The following TASP1 variants were observed in gnomAD, a reference collection of about 807,000 sequenced individuals.
TASP1 encodes threonine aspartase 1.
In TASP1, 16 loss-of-function variants were observed where a neutral mutation model predicts 56.6. The observed-to-expected ratio is 0.28, with a 90% CI of 0.19 to 0.43. The LOEUF (loss-of-function observed/expected upper bound fraction) is 0.43, where lower values mean the gene tolerates loss of function less well. TASP1 is among the 20% of genes least tolerant of loss of function. The pLI, the probability that TASP1 is intolerant of heterozygous loss-of-function variation, is 1.00. For missense variants in TASP1, 393 were observed against 511.6 expected, an observed-to-expected ratio of 0.77 and a Z score of 2.24; for synonymous variants, 179 against 184.2, an observed-to-expected ratio of 0.97 and a Z score of 0.23.
intron 10 of TASP1, among the ~76,000 whole-genome samples, chr20:13,524,193 G>T (rs1221553129): frequency 6.6e-6 from 1 of 151,800 alleles, no homozygotes; most frequent in Non-Finnish European, 1.5e-5. Flanking sequence ...GTATAGACAA[G>T]TAACGGAAAA....
the TASP1 span, among the ~76,000 whole-genome samples, chr20:13,295,102 C>A: frequency 2.6e-5 from 4 of 152,192 alleles, no homozygotes; most frequent in African/African-American, 9.7e-5. Context: ...CACCAGCCTC[C>A]CAGGCTCCTG....
the TASP1 span, among the ~76,000 whole-genome samples, chr20:13,231,728 AC>A: frequency 6.6e-6 from 1 of 152,172 alleles, no homozygotes; most frequent in African/African-American, 2.4e-5. Context: ...AGACAGCAAC[AC>A]CCACATTCCC....
the TASP1 span, among the ~76,000 whole-genome samples, chr20:13,359,562 C>T: frequency 2.0e-5 from 3 of 151,298 alleles, no homozygotes; most frequent in Non-Finnish European, 4.4e-5. Flanking sequence ...TCCACATTAC[C>T]TTCTTTTCAA....
At chr20:13,420,843 C>A (rs1021562004) in intron 12 of TASP1, among the ~76,000 whole-genome samples, 1 of 152,150 alleles carries the variant, frequency 6.6e-6, no homozygotes, top group African/African-American at 2.4e-5. Context: ...TCTGGGATCA[C>A]AAAGCCTGTG....
intron 3 of TASP1, among the ~76,000 whole-genome samples, chr20:13,624,157 C>T (rs918364516): frequency 4.0e-4 from 61 of 152,190 alleles, no homozygotes; most frequent in African/African-American, 1.4e-3. Context: ...ATTAACATTC[C>T]AATTTAGTCA....
chr20:13,511,510 G>A (rs1367186134), intron 10 of TASP1, among the ~76,000 whole-genome samples: 1 of 152,096 alleles, frequency 6.6e-6, no homozygotes, highest in African/African-American at 2.4e-5. Context: ...AAGGGTAATA[G>A]ATTTTATCAA....
intron 6 of TASP1, among the ~76,000 whole-genome samples, chr20:13,576,318 G>C (rs1487909707): frequency 7.0e-6 from 1 of 143,500 alleles, no homozygotes; most frequent in Admixed American, 7.2e-5. Flanking sequence ...GAGAGAGAAA[G>C]AAAGAAAAGA....
chr20:13,263,367 G>A, the TASP1 span, among the ~76,000 whole-genome samples: 19 of 150,274 alleles, frequency 1.3e-4, no homozygotes, highest in Non-Finnish European at 2.2e-4. Flanking sequence ...TCCTAGGATC[G>A]TGGTCTCCAT....
chr20:13,477,004 C>T (rs1054603899), intron 11 of TASP1, among the ~76,000 whole-genome samples: 1 of 152,036 alleles, frequency 6.6e-6, no homozygotes, highest in African/African-American at 2.4e-5. Flanking sequence ...ACACAATGCC[C>T]TGGAAAAGAG....
the TASP1 span, among the ~76,000 whole-genome samples, chr20:13,357,425 T>C: frequency 6.6e-6 from 1 of 151,988 alleles, no homozygotes; most frequent in Non-Finnish European, 1.5e-5. Context: ...TTCACAACAA[T>C]GAAAAAGAAA....
At chr20:13,145,687 T>C in the TASP1 span, among the ~76,000 whole-genome samples, 1 of 151,996 alleles carries the variant, frequency 6.6e-6, no homozygotes, top group Admixed American at 6.5e-5. Flanking sequence ...GCCAAGGCAA[T>C]CCTAAGTAAA....
At chr20:13,253,229 G>T in the TASP1 span, among the ~76,000 whole-genome samples, 2 of 152,032 alleles carry the variant, frequency 1.3e-5, no homozygotes, top group Admixed American at 1.3e-4. Flanking sequence ...CTCACCCTGC[G>T]TGTTGATCTC....
chr20:13,595,152 A>C (rs2147310856), intron 4 of TASP1, among the ~76,000 whole-genome samples: 1 of 152,314 alleles, frequency 6.6e-6, no homozygotes, highest in Admixed American at 6.5e-5. Flanking sequence ...GGAGAAATAA[A>C]ATCCTTTACA....
chr20:13,576,409 G>C (rs2046931212), intron 6 of TASP1, among the ~76,000 whole-genome samples: 1 of 151,402 alleles, frequency 6.6e-6, no homozygotes, highest in African/African-American at 2.4e-5. Context: ...CAGTCTTATG[G>C]AATCTATAAA....
At chr20:13,630,581 G>A (rs939001063) in intron 1 of TASP1, among the ~76,000 whole-genome samples, 2 of 150,018 alleles carry the variant, frequency 1.3e-5, no homozygotes, top group Admixed American at 1.3e-4. Context: ...TCCCAGCTAC[G>A]CAGGAGGCTG....
chr20:13,158,799 C>T, the TASP1 span, among the ~76,000 whole-genome samples: 1 of 152,220 alleles, frequency 6.6e-6, no homozygotes, highest in Non-Finnish European at 1.5e-5. Flanking sequence ...TATGTTCTAT[C>T]TGAAACAACC....
At chr20:13,142,331 T>C in the TASP1 span, among the ~76,000 whole-genome samples, 1 of 152,178 alleles carries the variant, frequency 6.6e-6, no homozygotes, top group African/African-American at 2.4e-5. Flanking sequence ...CTCTGTGTGG[T>C]TGGACCCTGA....
the TASP1 span, among the ~76,000 whole-genome samples, chr20:13,240,400 C>T: frequency 6.6e-6 from 1 of 152,112 alleles, no homozygotes; most frequent in Non-Finnish European, 1.5e-5. Context: ...ACACTTGAGT[C>T]CTGAGCTGGG....
chr20:13,111,503 T>A, the TASP1 span, among the ~76,000 whole-genome samples: 1 of 152,186 alleles, frequency 6.6e-6, no homozygotes, highest in Non-Finnish European at 1.5e-5. Flanking sequence ...TAGCTCAAAA[T>A]GTCGATAGTG....
Sources: gnomAD v4.1 joint callset for allele counts (sites outside exome capture counted in the v4.1 genomes callset) on GRCh38, gnomAD v4.1.1 for gene constraint, MANE v1.5 for transcripts, NCBI Gene and HGNC (gene_info 2026-07-23, HGNC 2026-07-21) for gene names.